PCDHGA8: variants seen among roughly 807,000 people sequenced by gnomAD.
PCDHGA8 encodes protocadherin gamma-A8.
A neutral mutation model predicts 59.2 loss-of-function variants in PCDHGA8; 45 were observed. That is an observed-to-expected ratio of 0.76 (90% CI 0.60 to 0.98). The LOEUF (loss-of-function observed/expected upper bound fraction) is 0.98, where lower values mean the gene tolerates loss of function less well. PCDHGA8 is among the 50% of genes least tolerant of loss of function. PCDHGA8 has a pLI of 0.00. For synonymous variants in PCDHGA8, 531 were observed against 519.0 expected, an observed-to-expected ratio of 1.02 and a Z score of -0.32; for missense variants, 1,257 against 1,196.2, an observed-to-expected ratio of 1.05 and a Z score of -0.75.
intron 3 of PCDHGA8, 57 bp from the exon 4 acceptor site, chr5:141,510,890 A>G (rs1434557860): frequency 1.2e-5 from 20 of 1,612,748 alleles, no homozygotes; most frequent in South Asian, 3.3e-5. Context: ...GATATAAGAC[A>G]GTGACTGTTG....
rs1283688342 is a variant in PCDHGA8, at chr5:141,437,688, T to G, written c.2424+42451T>G. On this transcript the variant is annotated intron_variant, in intron 1 of 3. Transcript: ENST00000398604. ...GAGATGTTGATCAAACTGATGAGGCTAAATCTCAAGAAAGAGACACAGTTA... is the reference window on the plus strand; with the variant it reads ...GAGATGTTGATCAAACTGATGAGGCGAAATCTCAAGAAAGAGACACAGTTA... Among the ~76,000 whole-genome samples the G allele has an allele frequency of 4.0e-5, 6 of 151,890 alleles. 1 individual carries two copies. The East Asian group carries it at 1.2e-3, about 29-fold the overall frequency.
intron 1 of PCDHGA8, chr5:141,422,581 G>A (rs1223117895): frequency 3.7e-6 from 6 of 1,613,984 alleles, no homozygotes; most frequent in Non-Finnish European, 4.2e-6. Flanking sequence ...TAACCCTCCC[G>A]TTTTTCCTCA....
At position 141,407,205 on chromosome 5, in the gene PCDHGA8, C is replaced by T. The variant is rs146299905; in HGVS notation, c.2424+11968C>T. 1.4e-3 allele frequency among the ~76,000 whole-genome samples: 213 copies of T among 152,308 alleles called. 1 individual carries two copies. Among genetic ancestry groups the T allele is most frequent in the African/African-American group, 4.8e-3 (199 of 41,572 alleles). On this transcript the variant is annotated intron_variant, in intron 1 of 3. Coordinates refer to ENST00000398604, the MANE Select transcript of PCDHGA8 (RefSeq NM_032088.2). ...ATTTTAATTATTTCAAACACGTTTTCCCCCTTAAGTGGGTAGCAAAAAAAA... is the reference window on the plus strand; with the variant it reads ...ATTTTAATTATTTCAAACACGTTTTTCCCCTTAAGTGGGTAGCAAAAAAAA...
intron 2 of PCDHGA8, among the ~76,000 whole-genome samples, chr5:141,503,423 C>T (rs1018496430): frequency 6.6e-6 from 1 of 151,752 alleles, no homozygotes; most frequent in Non-Finnish European, 1.5e-5. Context: ...GGTGAAACCC[C>T]ATCTCTACTA....
At chr5:141,425,173 T>A (rs182492696) in intron 1 of PCDHGA8, among the ~76,000 whole-genome samples, 5 of 152,284 alleles carry the variant, frequency 3.3e-5, no homozygotes, top group Admixed American at 3.3e-4. Context: ...GGATTTATAC[T>A]TGTGGAATTC....
At chr5:141,419,751 C>T (rs140649685) in intron 1 of PCDHGA8, 1 of 1,613,900 alleles carries the variant, frequency 6.2e-7, no homozygotes, top group African/African-American at 1.3e-5. Flanking sequence ...ATGGTGCGTG[C>T]TTTGGGTGAC....
intron 1 of PCDHGA8, chr5:141,492,069 C>A (rs1595083522): frequency 2.1e-6 from 1 of 475,880 alleles, no homozygotes; most frequent in East Asian, 3.3e-5. Context: ...GCCTCCTAGG[C>A]GCCGGCTCCG....
chr5:141,423,237 C>T (rs761825236), intron 1 of PCDHGA8: 74 of 1,613,798 alleles, frequency 4.6e-5, no homozygotes, highest in Middle Eastern at 3.3e-4. Flanking sequence ...ACAGCATCCC[C>T]GAAGTCCTGG....
intron 2 of PCDHGA8, among the ~76,000 whole-genome samples, chr5:141,504,288 G>GT (rs1175142876): frequency 6.6e-6 from 1 of 152,124 alleles, no homozygotes; most frequent in African/African-American, 2.4e-5. Context: ...ATCATTTCAT[G>GT]TTTTTTCAAC....
chr5:141,435,591 T>G (rs1197622032), intron 1 of PCDHGA8, among the ~76,000 whole-genome samples: 1 of 152,206 alleles, frequency 6.6e-6, no homozygotes, highest in Admixed American at 6.5e-5. Flanking sequence ...TGCAGTAATA[T>G]CGCCTGCTTT....
chr5:141,401,345 A>G (rs1233985725), intron 1 of PCDHGA8, among the ~76,000 whole-genome samples: 4 of 152,216 alleles, frequency 2.6e-5, no homozygotes, highest in Non-Finnish European at 4.4e-5. Context: ...TCCATCTCAA[A>G]AAAAAGGAAG....
At chr5:141,422,501 CCA>C in intron 1 of PCDHGA8, 1 of 1,613,928 alleles carries the variant, frequency 6.2e-7, no homozygotes, top group African/African-American at 1.3e-5. Flanking sequence ...ACGTTGACAG[CCA>C]CAGACCAGGG....
intron 1 of PCDHGA8, chr5:141,433,086 C>A (rs747501244): frequency 1.9e-6 from 3 of 1,614,208 alleles, no homozygotes; most frequent in African/African-American, 2.7e-5. Context: ...CCCAACTATG[C>A]AGACATGCTC....
chr5:141,465,048 A>AT (rs905091014), intron 1 of PCDHGA8, among the ~76,000 whole-genome samples: 18 of 151,226 alleles, frequency 1.2e-4, no homozygotes, highest in African/African-American at 4.4e-4. Context: ...GACCCTATAT[A>AT]TTTTTTTGAA....
chr5:141,402,197 A>G (rs1346156119), intron 1 of PCDHGA8, among the ~76,000 whole-genome samples: 5 of 152,132 alleles, frequency 3.3e-5, no homozygotes, highest in Non-Finnish European at 5.9e-5. Context: ...TATTACTTTT[A>G]TAATACAAAA....
At chr5:141,505,261 T>C in intron 2 of PCDHGA8, 132 bp from the exon 3 acceptor site, 1 of 1,505,282 alleles carries the variant, frequency 6.6e-7, no homozygotes. Context: ...GCCTCCTACC[T>C]TGCTGAGAGA....
Position 141,399,060 on chromosome 5 carries a change from T to C in PCDHGA8, c.2424+3823T>C, listed in dbSNP as rs903637711. 1.9e-5 allele frequency: 31 copies of C among 1,613,868 alleles called. No homozygotes were observed. In the African/African-American group the frequency reaches 2.8e-4, roughly 15 times the overall value. ...TGGATTTTGAAGAGACCAAGGAATA[T>C]TCAATGGTTGTAGAAGGGAGGGATG... On this transcript the variant is annotated intron_variant, in intron 1 of 3. Coordinates refer to ENST00000398604, the MANE Select transcript of PCDHGA8 (RefSeq NM_032088.2).
intron 1 of PCDHGA8, among the ~76,000 whole-genome samples, chr5:141,480,768 A>G (rs1371582817): frequency 6.6e-6 from 1 of 152,162 alleles, no homozygotes; most frequent in African/African-American, 2.4e-5. Flanking sequence ...TCCCCACTTG[A>G]TCCTAATGTG....
rs548002755 is a variant in PCDHGA8, at chr5:141,409,062, G to A, written c.2424+13825G>A. On this transcript the variant is annotated intron_variant, in intron 1 of 3. Coordinates refer to ENST00000398604, the MANE Select transcript of PCDHGA8 (RefSeq NM_032088.2). ...TACTACTTCCGAAGCACTGCCCAGAGCACAAAACATATGTTCTCATTGGAT... is the reference window on the plus strand; with the variant it reads ...TACTACTTCCGAAGCACTGCCCAGAACACAAAACATATGTTCTCATTGGAT... The A allele has an allele frequency of 3.1e-6, 5 of 1,614,000 alleles. No homozygotes were observed. The South Asian group carries it at 4.4e-5, about 14-fold the overall frequency.
Sources: allele counts gnomAD v4.1 joint callset (sites outside exome capture counted in the v4.1 genomes callset), GRCh38; gene constraint gnomAD v4.1.1; transcripts MANE v1.5; gene names NCBI Gene and HGNC (gene_info 2026-07-23, HGNC 2026-07-21).